ITPR1: variants seen among roughly 807,000 people sequenced by gnomAD.
The protein encoded by ITPR1 is inositol 1,4,5-trisphosphate-gated calcium channel ITPR1.
A neutral mutation model predicts 318.4 loss-of-function variants in ITPR1; 96 were observed. The ratio of observed to expected loss-of-function variants is 0.30; its 90% CI spans 0.26 to 0.36. The LOEUF is 0.36. Ranked by LOEUF, ITPR1 falls within the 10% of genes least tolerant of loss-of-function variation. The pLI is 1.00. For synonymous variants in ITPR1, 1,312 were observed against 1,289.9 expected (o/e 1.02, Z -0.37); for missense variants, 2,440 against 3,460.2 (o/e 0.71, Z 7.40).
At position 4,780,419 on chromosome 3, in the gene ITPR1, GGGGTGATA is replaced by G. The variant is rs1358253766; in HGVS notation, c.6387+776_6387+783del. On this transcript the variant is annotated intron_variant, in intron 49 of 61. Coordinates refer to ENST00000649015, the MANE Select transcript of ITPR1 (RefSeq NM_001378452.1). ...AAAACACGATCTGGTTTATTTTTGA[GGGGTGATA>G]GTCACAATTGGCTGTGACTTGCAGG... is the stretch of plus-strand genomic sequence containing the variant. Among the ~76,000 whole-genome samples the G allele has an allele frequency of 1.3e-5, 2 of 152,160 alleles. 1 individual carries two copies. The highest frequency in any genetic ancestry group is 4.8e-5 in the African/African-American group (2 of 41,440).
Position 4,627,792 on chromosome 3 carries a change from C to T in ITPR1, c.193C>T (p.Arg65Cys). The change falls in exon 5 of 62, where the codon CGC becomes TGC. Residue 65 changes from arginine (R) to cysteine (C), a missense_variant. Arg to Cys is a radical substitution (Grantham distance 180). This residue lies in a region of ITPR1 where 186 missense variants were observed against 323.9 expected (regional missense o/e 0.57). Coordinates refer to ENST00000649015, the MANE Select transcript of ITPR1 (RefSeq NM_001378452.1). ...CCTCTTTAAGCTATGTCCCATGAAC[C>T]GCTACTCTGCCCAAAAGCAGTTCTG... ...DCLFKLCPMN[R>C]YSAQKQFWKA... is the part of the protein sequence containing the mutation. The T allele has an allele frequency of 6.2e-7, 1 of 1,613,466 alleles. No individual in the cohort carries two copies. The highest frequency in any genetic ancestry group is 8.5e-7 in the Non-Finnish European group (1 of 1,179,572).
At chr3:4,499,251 A>G (rs1188832663) in intron 2 of ITPR1, among the ~76,000 whole-genome samples, 1 of 152,220 alleles carries the variant, frequency 6.6e-6, no homozygotes, top group Non-Finnish European at 1.5e-5. Context: ...CAATTCAACT[A>G]TTAGAGATTA....
chr3:4,563,271 G>C (rs1195563013), intron 4 of ITPR1, among the ~76,000 whole-genome samples: 2 of 152,124 alleles, frequency 1.3e-5, no homozygotes, highest in African/African-American at 4.8e-5. Flanking sequence ...ACTTCAAAAG[G>C]CCAAGGCAGG....
chr3:4,695,722 G>T (rs1472576723), intron 33 of ITPR1, among the ~76,000 whole-genome samples: 3 of 152,122 alleles, frequency 2.0e-5, no homozygotes, highest in Non-Finnish European at 2.9e-5. Flanking sequence ...TGTTGTTAAG[G>T]TTGATCCACC....
At position 4,814,188 on chromosome 3, in the gene ITPR1, C is replaced by G. The variant is rs1340448157; in HGVS notation, c.7562-235C>G. 3 of 520,332 alleles carry G rather than the reference C, an allele frequency of 5.8e-6. No individual in the cohort carries two copies. In the East Asian group the frequency reaches 1.1e-4, roughly 19 times the overall value. 32.2% of individuals were successfully genotyped at this position (520,332 alleles called of 1,614,324 possible). ...AGGACAGGGCATGTTTTAGATCCCA[C>G]AGAGGGAGAGCAATACTACCATAGC... On this transcript the variant is annotated intron_variant, in intron 57 of 61. Coordinates refer to ENST00000649015, the MANE Select transcript of ITPR1 (RefSeq NM_001378452.1).
chr3:4,509,413 A>G (rs2081631373), intron 2 of ITPR1, among the ~76,000 whole-genome samples: 1 of 152,242 alleles, frequency 6.6e-6, no homozygotes, highest in Non-Finnish European at 1.5e-5. Context: ...AATTTCTCAT[A>G]GAAATCTATT....
chr3:4,827,222 G>A (rs1228607608), intron 60 of ITPR1, among the ~76,000 whole-genome samples: 17 of 152,244 alleles, frequency 1.1e-4, no homozygotes, highest in Admixed American at 9.2e-4. Flanking sequence ...GTGCTGCCCG[G>A]CTTGCCCTTT....
rs3838624 is a variant in ITPR1 at position 4,796,299 on chromosome 3, A to ATT, written c.6931+1121_6931+1122dup. ...CAATCTAAACACAAGTCCAGGGGGG[A>ATT]TTTTTTTTTTAATGTCATGTCAGGA... On this transcript the variant is annotated intron_variant, in intron 53 of 61. Coordinates refer to ENST00000649015, the MANE Select transcript of ITPR1 (RefSeq NM_001378452.1). Among the ~76,000 whole-genome samples, 301 of 149,780 alleles carry ATT rather than the reference A, an allele frequency of 2.0e-3. 2 individuals are homozygous for ATT. The highest frequency in any genetic ancestry group is 2.4e-3 in the Non-Finnish European group (164 of 67,328).
intron 60 of ITPR1, among the ~76,000 whole-genome samples, chr3:4,836,125 T>C (rs568954711): frequency 1.6e-4 from 24 of 152,312 alleles, no homozygotes; most frequent in African/African-American, 4.6e-4. Context: ...TAAAATTCAC[T>C]TCACTTCAAG....
At chr3:4,764,310 A>G (rs1263917369) in intron 44 of ITPR1, among the ~76,000 whole-genome samples, 1 of 152,232 alleles carries the variant, frequency 6.6e-6, no homozygotes, top group Non-Finnish European at 1.5e-5. Flanking sequence ...TGTCCACCAA[A>G]TATAAAAAGG....
intron 44 of ITPR1, among the ~76,000 whole-genome samples, chr3:4,744,907 T>TCTCTGTCTCCCTCCCTC: frequency 2.1e-4 from 1 of 4,768 alleles, no homozygotes; most frequent in African/African-American, 4.8e-4. Flanking sequence ...CCTCCTTCCT[T>TCTCTGTCTCCCTCCCTC]CCTTCCTTCC....
chr3:4,503,956 T>G (rs2081224077), intron 2 of ITPR1, among the ~76,000 whole-genome samples: 1 of 151,948 alleles, frequency 6.6e-6, no homozygotes, highest in East Asian at 1.9e-4. Context: ...AACACTGGCC[T>G]TGGTATCTGG....
At chr3:4,734,265 A>T (rs967105184) in intron 43 of ITPR1, among the ~76,000 whole-genome samples, 1 of 152,212 alleles carries the variant, frequency 6.6e-6, no homozygotes, top group Non-Finnish European at 1.5e-5. Flanking sequence ...TAGTGAGGTC[A>T]TTTAACAATT....
At chr3:4,658,312 C>A in intron 13 of ITPR1, 34 bp downstream of exon 13, 1 of 1,587,000 alleles carries the variant, frequency 6.3e-7, no homozygotes, top group Non-Finnish European at 8.6e-7. Flanking sequence ...CCCAAAGAAT[C>A]AGGCCTGGTG....
chr3:4,610,463 T>C (rs2092003343), intron 4 of ITPR1, among the ~76,000 whole-genome samples: 1 of 152,214 alleles, frequency 6.6e-6, no homozygotes, highest in Non-Finnish European at 1.5e-5. Context: ...AGGATCTCGA[T>C]GACCAAGCCA....
chr3:4,763,585 T>G (rs17041389), intron 44 of ITPR1, among the ~76,000 whole-genome samples: 3,425 of 152,344 alleles, frequency 0.022, 125 homozygotes, highest in African/African-American at 0.078. Flanking sequence ...TGTGCTTACT[T>G]GTGTCTTCTA....
At chr3:4,655,309 C>T (rs2093681165) in intron 12 of ITPR1, among the ~76,000 whole-genome samples, 1 of 152,164 alleles carries the variant, frequency 6.6e-6, no homozygotes, top group South Asian at 2.1e-4. Context: ...TCGGTGAGCG[C>T]TGATGTCCAA....
chr3:4,774,283 C>T (rs938137578), intron 46 of ITPR1, among the ~76,000 whole-genome samples: 4 of 152,090 alleles, frequency 2.6e-5, no homozygotes, highest in Admixed American at 6.6e-5. Flanking sequence ...TCAATTGGTG[C>T]GCAATTAGGT....
At chr3:4,721,393 A>G (rs2042155716) in intron 40 of ITPR1, among the ~76,000 whole-genome samples, 1 of 152,076 alleles carries the variant, frequency 6.6e-6, no homozygotes, top group Non-Finnish European at 1.5e-5. Context: ...GAGTTAGTAA[A>G]GATAGTTGTC....
Sources: gnomAD v4.1 joint callset for allele counts (sites outside exome capture counted in the v4.1 genomes callset) on GRCh38, gnomAD v4.1.1 for gene constraint, gnomAD v4.1.1 regional missense constraint, MANE v1.5 for transcripts, NCBI Gene and HGNC (gene_info 2026-07-23, HGNC 2026-07-21) for gene names.